KIF2A: variants seen among roughly 807,000 people sequenced by gnomAD.
KIF2A encodes the protein kinesin-like protein KIF2A.
A neutral mutation model predicts 100.2 loss-of-function variants in KIF2A; 22 were observed. The ratio of observed to expected loss-of-function variants is 0.22; its 90% CI spans 0.16 to 0.31. KIF2A has a LOEUF of 0.31. KIF2A is among the 10% of genes least tolerant of loss of function. The pLI is 1.00. For missense variants in KIF2A, 495 were observed against 898.7 expected, an observed-to-expected ratio of 0.55 and a Z score of 5.74; for synonymous variants, 268 against 285.9, an observed-to-expected ratio of 0.94 and a Z score of 0.63.
Position 62,387,310 on chromosome 5 carries a change from T to C in KIF2A, c.*1741T>C, listed in dbSNP as rs1363610285. On this transcript the variant is annotated 3_prime_UTR_variant, in exon 21 of 21. Coordinates refer to ENST00000407818, the MANE Select transcript of KIF2A (RefSeq NM_001098511.3). ...GAGGAAGGATGGAGAACTGTTACAA[T>C]TGACCTTGCAAAGGATATTTAAAAA... is the stretch of plus-strand genomic sequence containing the variant. 2.6e-5 allele frequency: 4 copies of C among 152,168 alleles called. No individual in the cohort carries two copies. The highest frequency in any genetic ancestry group is 2.6e-4 in the Admixed American group (4 of 15,286). The allele number at this position is 152,168 out of a possible 1,614,324, so 9.4% of individuals were successfully genotyped here. A position where few individuals can be genotyped will look rare whatever the true frequency, so the allele number is the denominator to read the frequency against.
chr5:62,334,501 TCTC>T (rs1461898637), intron 1 of KIF2A, among the ~76,000 whole-genome samples: 7 of 101,172 alleles, frequency 6.9e-5, no homozygotes, highest in Admixed American at 3.2e-4. Flanking sequence ...GCCCCCCACT[TCTC>T]CTCCTCCTCC....
intron 1 of KIF2A, chr5:62,308,647 G>A (rs905173074): frequency 1.0e-5 from 7 of 678,030 alleles, no homozygotes; most frequent in Non-Finnish European, 1.9e-5. Context: ...CCTGAAGGAC[G>A]TTATGTTAAA....
At chr5:62,363,097 G>A in intron 12 of KIF2A, 81 bp from the exon 13 acceptor site, 1 of 1,180,322 alleles carries the variant, frequency 8.5e-7, no homozygotes, top group Non-Finnish European at 1.2e-6. Flanking sequence ...CAAAATGCTG[G>A]GATTACAGGC....
chr5:62,323,126 C>T (rs1438330676), intron 1 of KIF2A, among the ~76,000 whole-genome samples: 1 of 151,284 alleles, frequency 6.6e-6, no homozygotes, highest in Non-Finnish European at 1.5e-5. Context: ...CATGGTGGCG[C>T]ATGCCTGTAA....
intron 7 of KIF2A, among the ~76,000 whole-genome samples, chr5:62,355,488 C>T (rs1748054375): frequency 6.6e-6 from 1 of 152,146 alleles, no homozygotes; most frequent in African/African-American, 2.4e-5. Flanking sequence ...GAAGCAAAAC[C>T]TCCCTGTCTT....
intron 4 of KIF2A, among the ~76,000 whole-genome samples, chr5:62,350,778 T>G: frequency 6.6e-6 from 1 of 151,400 alleles, no homozygotes; most frequent in East Asian, 2.0e-4. Context: ...CCAGGCATGG[T>G]GGCAGTGCCT....
chr5:62,331,762 G>GA (rs11418837), intron 1 of KIF2A, among the ~76,000 whole-genome samples: 125,223 of 142,588 alleles, frequency 0.88, 54,943 homozygotes, highest in Middle Eastern at 0.92. Context: ...AAATAGAAAC[G>GA]AAAAAAAAAA....
At chr5:62,353,252 T>C (rs1339778267) in intron 5 of KIF2A, 23 bp from the exon 6 acceptor site, 4 of 1,374,726 alleles carry the variant, frequency 2.9e-6, no homozygotes, top group Admixed American at 2.7e-5. Context: ...ACTATACTTC[T>C]ACAGCTCATC....
At chr5:62,316,046 A>C (rs1264025492) in intron 1 of KIF2A, among the ~76,000 whole-genome samples, 2 of 152,246 alleles carry the variant, frequency 1.3e-5, no homozygotes, top group African/African-American at 4.8e-5. Context: ...GCTGTTCAAG[A>C]ATACAGTGTA....
rs758696942 is a variant in KIF2A, at chr5:62,388,928, G to A, written c.*3359G>A. 2 of 1,320,338 alleles carry A rather than the reference G, an allele frequency of 1.5e-6. No homozygotes were observed. Among genetic ancestry groups the A allele is most frequent in the Non-Finnish European group, 2.1e-6 (2 of 933,486 alleles). The allele number at this position is 1,320,338 out of a possible 1,614,324, so 81.8% of individuals were successfully genotyped here. ...GTCAAGTAAATAATGTCTCAGTAAA[G>A]CAAAAGCATTATCTTCTCAAATACA... is the stretch of plus-strand genomic sequence containing the variant. On this transcript the variant is annotated 3_prime_UTR_variant, in exon 21 of 21. Transcript: ENST00000407818.
chr5:62,352,596 T>A lies in KIF2A; in HGVS notation c.343T>A (p.Ser115Thr). The change falls in exon 5 of 21, where the codon TCA becomes ACA. Residue 115 changes from serine to threonine, a missense_variant. Around this residue, in one of 10 missense-constraint regions of KIF2A, gnomAD observed 115 missense variants for 143.6 expected, o/e 0.80. Coordinates refer to ENST00000407818, the MANE Select transcript of KIF2A (RefSeq NM_001098511.3). ...TTTTTTTTTACTTACAGTGGTTGGT[T>A]CAGCACGTGCACGGCCCAGTCAATT... is the stretch of plus-strand genomic sequence containing the variant. ...PPSRDNRVVG[S>T]ARARPSQFPE... 1 of 1,571,486 alleles carries A rather than the reference T, an allele frequency of 6.4e-7. No homozygotes were observed. Among genetic ancestry groups the A allele is most frequent in the Non-Finnish European group, 8.6e-7 (1 of 1,157,744 alleles).
chr5:62,373,915 T>C, intron 18 of KIF2A, 78 bp downstream of exon 18: 9 of 1,181,502 alleles, frequency 7.6e-6, no homozygotes, highest in Non-Finnish European at 1.1e-5. Context: ...AACTATCATT[T>C]AAATGAGGTG....
At chr5:62,367,932 A>G (rs1741153651) in intron 16 of KIF2A, among the ~76,000 whole-genome samples, 2 of 152,234 alleles carry the variant, frequency 1.3e-5, no homozygotes, top group Non-Finnish European at 2.9e-5. Context: ...TAATTCAAGT[A>G]TAGCAGTTCT....
chr5:62,369,698 A>G (rs1580088805), intron 16 of KIF2A, among the ~76,000 whole-genome samples: 1 of 152,140 alleles, frequency 6.6e-6, no homozygotes, highest in Non-Finnish European at 1.5e-5. Context: ...ACAGCCAAAA[A>G]TAATTCATTC....
chr5:62,357,275 G>A (rs1191149173), intron 7 of KIF2A, among the ~76,000 whole-genome samples: 5 of 142,850 alleles, frequency 3.5e-5, no homozygotes, highest in East Asian at 4.2e-4. Context: ...GTAGAAATGG[G>A]GTTTCTCCAT....
chr5:62,354,207 A>G (rs1318210693), intron 6 of KIF2A, among the ~76,000 whole-genome samples: 1 of 152,150 alleles, frequency 6.6e-6, no homozygotes, highest in Non-Finnish European at 1.5e-5. Context: ...AATGAATAAT[A>G]AAACATATTA....
intron 1 of KIF2A, among the ~76,000 whole-genome samples, chr5:62,333,702 T>C (rs1317032015): frequency 6.6e-6 from 1 of 152,128 alleles, no homozygotes; most frequent in Non-Finnish European, 1.5e-5. Flanking sequence ...TGCCTACTTA[T>C]CTCCTCCCCA....
At chr5:62,344,578 C>T (rs1428643229) in intron 1 of KIF2A, among the ~76,000 whole-genome samples, 2 of 152,080 alleles carry the variant, frequency 1.3e-5, no homozygotes, top group Non-Finnish European at 2.9e-5. Context: ...AAGGGCGGTT[C>T]AGGAATATCT....
At chr5:62,323,440 G>A (rs992294818) in intron 1 of KIF2A, among the ~76,000 whole-genome samples, 17 of 149,880 alleles carry the variant, frequency 1.1e-4, no homozygotes, top group African/African-American at 2.7e-4. Context: ...GGAGAATGGC[G>A]TGAACCCAGG....
Sources: allele counts gnomAD v4.1 joint callset (sites outside exome capture counted in the v4.1 genomes callset), GRCh38; gene constraint gnomAD v4.1.1; regional missense constraint gnomAD v4.1.1; transcripts MANE v1.5; gene names NCBI Gene and HGNC (gene_info 2026-07-23, HGNC 2026-07-21).